COPA: variants seen among roughly 807,000 people sequenced by gnomAD.
COPA encodes coatomer subunit alpha.
A neutral mutation model predicts 158.7 loss-of-function variants in COPA; 10 were observed. The ratio of observed to expected loss-of-function variants is 0.06; its 90% CI spans 0.04 to 0.11. The LOEUF (loss-of-function observed/expected upper bound fraction) is 0.11, where lower values mean the gene tolerates loss of function less well. Among genes scored for constraint, COPA ranks in the 10% least tolerant of loss-of-function variants. The probability of loss-of-function intolerance (pLI) is 1.00; values close to 1 mark genes in which losing one functional copy is unlikely to be tolerated. For synonymous variants in COPA, 462 were observed against 542.8 expected (o/e 0.85, Z 2.07); for missense variants, 1,065 against 1,536.7 (o/e 0.69, Z 5.13).
rs1379914858 is a variant in COPA, at chr1:160,314,223, T to C, written c.707-98A>G. 5 of 1,303,386 alleles carry C rather than the reference T, an allele frequency of 3.8e-6. No homozygotes were observed. In the African/African-American group the frequency reaches 7.5e-5, roughly 20 times the overall value. 80.7% of individuals were successfully genotyped at this position (1,303,386 alleles called of 1,614,324 possible). On this transcript the variant is annotated intron_variant, in intron 8 of 32. Coordinates refer to ENST00000241704, the MANE Select transcript of COPA (RefSeq NM_004371.4). The stretch of plus-strand genomic sequence containing the variant: ...CTCTTCATCAAGAACTAAGTACTAT[T>C]ACAGAATGCTAAATTGCCAACTTCT...
intron 1 of COPA, among the ~76,000 whole-genome samples, chr1:160,341,919 G>A (rs2101882779): frequency 6.6e-6 from 1 of 152,114 alleles, no homozygotes; most frequent in South Asian, 2.1e-4. Flanking sequence ...AAGAAATTAG[G>A]AGCAGAAAAG....
intron 10 of COPA, 76 bp from the exon 11 acceptor site, chr1:160,312,094 G>T: frequency 6.8e-7 from 1 of 1,479,114 alleles, no homozygotes; most frequent in Non-Finnish European, 9.3e-7. Flanking sequence ...GATACGTAAG[G>T]ATGAAGATTA....
rs1647978538 is a variant in COPA, at chr1:160,340,277, T to G, written c.58A>C (p.Lys20Gln). 1.2e-6 allele frequency: 2 copies of G among 1,613,294 alleles called. No individual in the cohort carries two copies. The highest frequency in any genetic ancestry group is 1.7e-6 in the Non-Finnish European group (2 of 1,179,742). Reference sequence around the variant, plus strand: ...AAACTAGTCAGGATCCAAGGTCTTTTGGGGTGAAAGCTGAGCCCTGAAAAA... The same window carrying G: ...AAACTAGTCAGGATCCAAGGTCTTTGGGGGTGAAAGCTGAGCCCTGAAAAA... ...ARVKGLSFHP[K>Q]RPWILTSLHN... Residue 20 changes from lysine (K) to glutamine (Q), a missense_variant, in exon 2 of 33, where the codon AAA becomes CAA. Physicochemically the swap from Lys to Gln is moderately conservative, Grantham distance 53. Coordinates refer to ENST00000241704, the MANE Select transcript of COPA (RefSeq NM_004371.4).
chr1:160,294,384 T>C (rs1432008857), intron 25 of COPA, 100 bp downstream of exon 25: 2 of 981,820 alleles, frequency 2.0e-6, no homozygotes, highest in Non-Finnish European at 1.6e-6. Context: ...TGGTAGGGGA[T>C]AGGATAGGAG....
chr1:160,333,735 T>G, intron 4 of COPA, 56 bp from the exon 5 acceptor site: 1 of 1,392,986 alleles, frequency 7.2e-7, no homozygotes, highest in East Asian at 2.3e-5. Flanking sequence ...TTCTATCAGG[T>G]TCTTGTAATC....
intron 27 of COPA, 39 bp downstream of exon 27, chr1:160,293,127 G>T: frequency 6.2e-7 from 1 of 1,604,664 alleles, no homozygotes; most frequent in Non-Finnish European, 8.5e-7. Flanking sequence ...GGGGACCCTG[G>T]GCTAGGCACA....
chr1:160,294,894 T>G, intron 23 of COPA, 37 bp from the exon 24 acceptor site: 1 of 1,588,132 alleles, frequency 6.3e-7, no homozygotes, highest in Non-Finnish European at 8.6e-7. Context: ...CTGGTTATAG[T>G]CCAGCAAGTC....
At chr1:160,304,236 A>G (rs1571157394) in intron 17 of COPA, among the ~76,000 whole-genome samples, 1 of 148,960 alleles carries the variant, frequency 6.7e-6, no homozygotes, top group Admixed American at 6.7e-5. Flanking sequence ...CTGGTCTTGA[A>G]CTCCTGACCT....
chr1:160,301,923 AAAATCTAC>A (rs1658619208), intron 17 of COPA, among the ~76,000 whole-genome samples: 1 of 152,128 alleles, frequency 6.6e-6, no homozygotes, highest in Admixed American at 6.5e-5. Context: ...ATACATTTTA[AAAATCTAC>A]TGTAAGCTCA....
intron 8 of COPA, among the ~76,000 whole-genome samples, chr1:160,318,492 C>CAAAAAAAAAAAAAAAAAAAAAAAAAAAA (rs1184111001): frequency 5.2e-5 from 3 of 58,076 alleles, no homozygotes; most frequent in East Asian, 4.3e-4. Flanking sequence ...AAAAAAAAAA[C>CAAAAAAAAAAAAAAAAAAAAAAAAAAAA]AAAAAAAAAA....
chr1:160,302,033 TC>T (rs1034499061), intron 17 of COPA, among the ~76,000 whole-genome samples: 10 of 152,056 alleles, frequency 6.6e-5, no homozygotes, highest in African/African-American at 1.9e-4. Context: ...TTGCTGGAGA[TC>T]CTAGTCAGTG....
At chr1:160,332,688 T>C (rs1199840406) in intron 5 of COPA, 131 bp from the exon 6 acceptor site, 2 of 539,808 alleles carry the variant, frequency 3.7e-6, no homozygotes, top group Non-Finnish European at 6.4e-6. Flanking sequence ...CAGGTCATCC[T>C]ACCAATTCTG....
At chr1:160,308,057 T>C (rs1357750107) in intron 13 of COPA, among the ~76,000 whole-genome samples, 1 of 152,222 alleles carries the variant, frequency 6.6e-6, no homozygotes, top group Non-Finnish European at 1.5e-5. Context: ...CCCATCTCTG[T>C]TGCCCACCAC....
At chr1:160,320,507 G>T (rs1659296023) in intron 8 of COPA, among the ~76,000 whole-genome samples, 1 of 149,982 alleles carries the variant, frequency 6.7e-6, no homozygotes, top group Admixed American at 6.7e-5. Flanking sequence ...TACTTGGGAG[G>T]CTGAGGCAGG....
intron 8 of COPA, among the ~76,000 whole-genome samples, 197 bp downstream of exon 8, chr1:160,323,234 T>C (rs1221355718): frequency 1.3e-5 from 2 of 152,078 alleles, no homozygotes; most frequent in East Asian, 3.9e-4. Flanking sequence ...ATAAATATAT[T>C]TATTACCACT....
Position 160,291,331 on chromosome 1 carries a change from C to A in COPA, c.3420+4G>T. The A allele has an allele frequency of 6.2e-7, 1 of 1,613,288 alleles. No individual in the cohort carries two copies. Among genetic ancestry groups the A allele is most frequent in the African/African-American group, 1.3e-5 (1 of 75,034 alleles). ...CCTATGGTCACTGAAGGAGTTCCAT[C>A]TACCTGTTGGGCCACCTCAGGCTTG... On this transcript the variant is annotated splice_donor_region_variant and intron_variant, in intron 31 of 32. Coordinates refer to ENST00000241704, the MANE Select transcript of COPA (RefSeq NM_004371.4).
chr1:160,291,304 T>A (rs1206431476), intron 31 of COPA, 31 bp downstream of exon 31: 1 of 1,611,402 alleles, frequency 6.2e-7, no homozygotes, highest in Non-Finnish European at 8.5e-7. Flanking sequence ...TGATCTGGCT[T>A]CCCTATGGTC....
At chr1:160,337,077 A>T (rs1344592539) in intron 3 of COPA, among the ~76,000 whole-genome samples, 1 of 152,226 alleles carries the variant, frequency 6.6e-6, no homozygotes, top group Admixed American at 6.5e-5. Flanking sequence ...GTTTCACATA[A>T]AAATTAGACC....
At chr1:160,308,840 A>C in intron 13 of COPA, 1 of 415,700 alleles carries the variant, frequency 2.4e-6, no homozygotes, top group Non-Finnish European at 4.3e-6. Flanking sequence ...CTAGGATAAC[A>C]TGCTGTGCTG....
Sources: gnomAD v4.1 joint callset for allele counts (sites outside exome capture counted in the v4.1 genomes callset) on GRCh38, gnomAD v4.1.1 for gene constraint, MANE v1.5 for transcripts, NCBI Gene and HGNC (gene_info 2026-07-23, HGNC 2026-07-21) for gene names.